The following ADAMTS4 variants were observed in gnomAD, a reference collection of about 807,000 sequenced individuals.
ADAMTS4 encodes ADAM metallopeptidase with thrombospondin type 1 motif 4, also known as A disintegrin and metalloproteinase with thrombospondin motifs 4.
A neutral mutation model predicts 66.7 loss-of-function variants in ADAMTS4; 38 were observed. The ratio of observed to expected loss-of-function variants is 0.57; its 90% CI spans 0.44 to 0.75. The LOEUF (loss-of-function observed/expected upper bound fraction) is 0.75. Ranked by LOEUF, ADAMTS4 falls within the 30% of genes least tolerant of loss-of-function variation. The pLI is 0.00. For synonymous variants in ADAMTS4, 418 were observed against 461.5 expected (o/e 0.91, Z 1.21); for missense variants, 1,014 against 1,116.7 (o/e 0.91, Z 1.31).
rs753932677 is a variant in ADAMTS4, at chr1:161,193,914, A to G, written c.1548+21T>C. On this transcript the variant is annotated intron_variant, in intron 5 of 8. Transcript: ENST00000367996. The surrounding 1 kb of genome is among the most constrained non-coding windows in gnomAD (Gnocchi z 4.4). ...CCCACACCCCCGGGCCCTTTACCCC[A>G]CCCCTGCCCTAGGATCTCACATTGA... The G allele has an allele frequency of 1.0e-5, 16 of 1,562,680 alleles. No individual in the cohort carries two copies. The African/African-American group carries it at 2.0e-4, about 20-fold the overall frequency.
Position 161,194,003 on chromosome 1 carries a change from G to A in ADAMTS4, c.1480C>T (p.Pro494Ser), listed in dbSNP as rs1664751867. 1 of 1,613,038 alleles carries A rather than the reference G, an allele frequency of 6.2e-7. No homozygotes were observed. ...TKHSPWADGTPCGPAQACMGG... is the reference protein window; with the variant it reads ...TKHSPWADGTSCGPAQACMGG... ...ATGCAGGCCTGTGCGGGCCCGCAGG[G>A]TGTGCCATCGGCCCAGGGCGAGTGT... Residue 494 changes from proline to serine, a missense_variant, in exon 5 of 9, where the codon CCC (proline) becomes TCC (serine). Physicochemically the swap from Pro to Ser is moderately conservative, Grantham distance 74. Coordinates refer to ENST00000367996, the MANE Select transcript of ADAMTS4 (RefSeq NM_005099.6). This position sits in a 1 kb window ranked among gnomAD's most constrained non-coding sequence, Gnocchi z 4.1.
chr1:161,197,343 G>A lies in ADAMTS4; in HGVS notation c.634-463C>T, dbSNP rs545862332. Reference sequence around the variant, plus strand: ...TCAGCGTGGCGGTTGTGGAGGGAGCGTCTGGTCTGGATTAAAGCTAGAGAG... The same window carrying A: ...TCAGCGTGGCGGTTGTGGAGGGAGCATCTGGTCTGGATTAAAGCTAGAGAG... On this transcript the variant is annotated intron_variant, in intron 1 of 8. Coordinates refer to ENST00000367996, the MANE Select transcript of ADAMTS4 (RefSeq NM_005099.6). The A allele has an allele frequency of 2.7e-3, 447 of 165,774 alleles. 3 individuals carry two copies. The highest frequency in any genetic ancestry group is 6.3e-3 in the Admixed American group (105 of 16,700). 10.3% of individuals were successfully genotyped at this position (165,774 alleles called of 1,614,324 possible). A position where few individuals can be genotyped will look rare whatever the true frequency, so the allele number is the denominator to read the frequency against.
In ADAMTS4 at chr1:161,188,591, TTCCC is replaced by T. The variant is rs77485973; in HGVS notation, c.*2543_*2546del. Reference sequence around the variant, plus strand: ...CAGAGGGGAAAATGCAGATGTTTTATTCCCTCCCTCTCCTCAGGCATCAGGTATT... The same window carrying T: ...CAGAGGGGAAAATGCAGATGTTTTATTCCCTCTCCTCAGGCATCAGGTATT... On this transcript the variant is annotated 3_prime_UTR_variant, in exon 9 of 9. Coordinates refer to ENST00000367996, the MANE Select transcript of ADAMTS4 (RefSeq NM_005099.6). 0.079 allele frequency: 11,912 copies of T among 151,514 alleles called. 504 individuals are homozygous for T. Among genetic ancestry groups the T allele is most frequent in the South Asian group, 0.13 (638 of 4,784 alleles). 9.4% of individuals were successfully genotyped at this position (151,514 alleles called of 1,614,324 possible).
At chr1:161,197,950 C>T in intron 1 of ADAMTS4, 45 bp downstream of exon 1, 2 of 1,521,046 alleles carry the variant, frequency 1.3e-6, no homozygotes, top group Non-Finnish European at 1.8e-6. Context: ...GTAGGACAGA[C>T]ATGGCGGGAG....
At position 161,191,084 on chromosome 1, in the gene ADAMTS4, T is replaced by A; in HGVS notation, c.*54A>T. On this transcript the variant is annotated 3_prime_UTR_variant, in exon 9 of 9. Transcript: ENST00000367996. ...GGCAGCAACAGAAGCTCTCTCTTTC[T>A]CCCAGCTAAGTCCGAGGCCCCGGTG... 1 of 1,500,460 alleles carries A rather than the reference T, an allele frequency of 6.7e-7. No homozygotes were observed. The highest frequency in any genetic ancestry group is 2.3e-5 in the East Asian group (1 of 43,954). 92.9% of individuals were successfully genotyped at this position (1,500,460 alleles called of 1,614,324 possible).
At position 161,198,003 on chromosome 1, in the gene ADAMTS4, T is replaced by C; in HGVS notation, c.625A>G (p.Arg209Gly). The change falls in exon 1 of 9, where the codon AGA becomes GGA. Residue 209 changes from arginine (R) to glycine (G), a missense_variant. Transcript: ENST00000367996. The surrounding 1 kb of genome is among the most constrained non-coding windows in gnomAD (Gnocchi z 4.7). The stretch of plus-strand genomic sequence containing the variant: ...ACTCCAGAGATGCCTACCTTGGCTC[T>C]TCGGGGTCTGGGGCTGGGGCTTCCA... ...PLGSPSPRPR[R>G]AKRFASLSRF... The C allele has an allele frequency of 1.3e-6, 2 of 1,559,436 alleles. No homozygotes were observed. The highest frequency in any genetic ancestry group is 2.3e-5 in the East Asian group (1 of 44,418).
chr1:161,192,914 C>T (rs768212926), intron 7 of ADAMTS4, among the ~76,000 whole-genome samples: 1 of 152,126 alleles, frequency 6.6e-6, no homozygotes, highest in Non-Finnish European at 1.5e-5. Flanking sequence ...GGGTGAAGGA[C>T]TTGTCCCAAA....
chr1:161,185,417 G>A lies in ADAMTS4; in HGVS notation c.*5721C>T, dbSNP rs1664525428. 6.6e-6 allele frequency: 1 copy of A among 152,060 alleles called. No individual in the cohort carries two copies. The allele number at this position is 152,060 out of a possible 1,614,324, so 9.4% of individuals were successfully genotyped here. ...CCCATGTAAGATCCTGCCTGGGGAA[G>A]TTGTTCAGTGTTGTTGCTCCCCCGC... On this transcript the variant is annotated 3_prime_UTR_variant, in exon 9 of 9. Transcript: ENST00000367996.
chr1:161,192,819 CAGG>C (rs1664713971), intron 7 of ADAMTS4, among the ~76,000 whole-genome samples: 1 of 151,670 alleles, frequency 6.6e-6, no homozygotes, highest in African/African-American at 2.4e-5. Flanking sequence ...CAGTCATCTC[CAGG>C]AGGCCTGTCC....
rs772411600 is a variant in ADAMTS4 at position 161,193,308 on chromosome 1, A to G, written c.1816T>C (p.Trp606Arg). The G allele has an allele frequency of 1.9e-6, 3 of 1,614,054 alleles. No homozygotes were observed. The East Asian group carries it at 6.7e-5, about 36-fold the overall frequency. Residue 606 changes from tryptophan to arginine, a missense_variant, in exon 7 of 9, where the codon TGG becomes CGG. Physicochemically the swap from Trp to Arg is moderately radical, Grantham distance 101 (BLOSUM62 -3). Transcript: ENST00000367996. This position sits in a 1 kb window ranked among gnomAD's most constrained non-coding sequence, Gnocchi z 4.4. ...GCCACGCCTGTGTAGCGAGGAACCC[A>G]GTCCATGGGCCCTGGGAAGCTCTTG... The part of the protein sequence containing the change: ...LFKSFPGPMD[W>R]VPRYTGVAPQ...
intron 1 of ADAMTS4, chr1:161,197,140 CT>C (rs899438730): frequency 7.6e-5 from 34 of 446,734 alleles, no homozygotes; most frequent in Non-Finnish European, 8.9e-5. Flanking sequence ...CATCCCAGGG[CT>C]GCGGGAGCCC....
Position 161,196,695 on chromosome 1 carries a change from C to T in ADAMTS4, c.819G>A (p.Gly273=), listed in dbSNP as rs1390221797. The change falls in exon 2 of 9, where the codon GGG becomes GGA. Residue 273 remains glycine (G), a synonymous_variant. Coordinates refer to ENST00000367996, the MANE Select transcript of ADAMTS4 (RefSeq NM_005099.6). The part of the protein sequence containing the change: ...SLVVTRLVIL[G]SGEEGPQVGP... Reference sequence around the variant, plus strand: ...CCACTTGGGGCCCCTCCTCGCCTGACCCCAGGATCACTAGCCGAGTCACCA... The same window carrying T: ...CCACTTGGGGCCCCTCCTCGCCTGATCCCAGGATCACTAGCCGAGTCACCA... 1 of 1,614,024 alleles carries T rather than the reference C, an allele frequency of 6.2e-7. No homozygotes were observed. Among genetic ancestry groups the T allele is most frequent in the Admixed American group, 1.7e-5 (1 of 60,024 alleles).
At position 161,193,593 on chromosome 1, in the gene ADAMTS4, T is replaced by TTC; in HGVS notation, c.1735+46_1735+47insGA. 6.4e-7 allele frequency: 1 copy of TTC among 1,567,830 alleles called. No homozygotes were observed. Among genetic ancestry groups the TTC allele is most frequent in the Non-Finnish European group, 8.7e-7 (1 of 1,155,080 alleles). On this transcript the variant is annotated intron_variant, in intron 6 of 8. Transcript: ENST00000367996. The surrounding 1 kb of genome is among the most constrained non-coding windows in gnomAD (Gnocchi z 4.4). ...CTTGCACTCAAGGGACAGTCCTTCC[T>TTC]GCTCTACTGTCCCCTCCCAAGGGCT...
rs559950580 is a variant in ADAMTS4 at position 161,193,969 on chromosome 1, C to T, written c.1514G>A (p.Arg505His). 1.8e-4 allele frequency: 282 copies of T among 1,594,384 alleles called. 1 individual carries two copies. The South Asian group carries it at 3.0e-3, about 17-fold the overall frequency. The change falls in exon 5 of 9, where the codon CGC becomes CAC. Residue 505 changes from arginine to histidine, a missense_variant. By Grantham distance (29) the Arg-to-His change is conservative. Transcript: ENST00000367996. This position sits in a 1 kb window ranked among gnomAD's most constrained non-coding sequence, Gnocchi z 4.4. ...CTGGAGCTGGTCCATGTGGAGGCAGCGACCACCCATGCAGGCCTGTGCGGG... is the reference window on the plus strand; with the variant it reads ...CTGGAGCTGGTCCATGTGGAGGCAGTGACCACCCATGCAGGCCTGTGCGGG... ...CGPAQACMGG[R>H]CLHMDQLQDF...
Position 161,186,994 on chromosome 1 carries a change from C to T in ADAMTS4, c.*4144G>A, listed in dbSNP as rs1465402868. On this transcript the variant is annotated 3_prime_UTR_variant, in exon 9 of 9. Transcript: ENST00000367996. ...CCTGCCTGGTCAACAAAGGGAGACC[C>T]TATCTCAAAAAAAAAAGTGTATCTC... is the stretch of plus-strand genomic sequence containing the variant. 1 of 151,682 alleles carries T rather than the reference C, an allele frequency of 6.6e-6. No homozygotes were observed. The highest frequency in any genetic ancestry group is 1.9e-4 in the East Asian group (1 of 5,184). The allele number at this position is 151,682 out of a possible 1,614,324, so 9.4% of individuals were successfully genotyped here.
chr1:161,192,340 C>T (rs553840385), intron 7 of ADAMTS4, 100 bp from the exon 8 acceptor site: 105 of 1,240,134 alleles, frequency 8.5e-5, no homozygotes, highest in Middle Eastern at 4.2e-4. Flanking sequence ...GCAATGTTGT[C>T]GGAAAAGTTG....
chr1:161,191,283 T>TG lies in ADAMTS4; in HGVS notation c.2368_2369insC (p.Asn790ThrfsTer112). 6.2e-7 allele frequency: 1 copy of TG among 1,613,894 alleles called. No individual in the cohort carries two copies. The highest frequency in any genetic ancestry group is 8.5e-7 in the Non-Finnish European group (1 of 1,180,018). On this transcript the variant is annotated frameshift_variant, in exon 9 of 9. Coordinates refer to ENST00000367996, the MANE Select transcript of ADAMTS4 (RefSeq NM_005099.6). LOFTEE classifies it high-confidence loss of function. Reference sequence around the variant, plus strand: ...GTATCGGAGGCGTGTGTCCTGGGGGTTGCCAGCCACTAGGACTTGCAGTGT... The same window carrying TG: ...GTATCGGAGGCGTGTGTCCTGGGGGTGTGCCAGCCACTAGGACTTGCAGTGT...
At position 161,192,223 on chromosome 1, in the gene ADAMTS4, G is replaced by C. The variant is rs537518142; in HGVS notation, c.1929C>G (p.Pro643=). ...AGACCGAGGAGCTGTCCGGGGAACA[G>C]GGGGTCCCATCTACCACCTGAGGAA... ...VLEPRVVDGT[P]CSPDSSSVCV... Residue 643 remains proline, a synonymous_variant, in exon 8 of 9, where the codon CCC becomes CCG. Transcript: ENST00000367996. The C allele has an allele frequency of 6.2e-7, 1 of 1,613,598 alleles. No individual in the cohort carries two copies. Among genetic ancestry groups the C allele is most frequent in the Non-Finnish European group, 8.5e-7 (1 of 1,179,694 alleles).
At chr1:161,195,224 C>T (rs1664781836) in intron 4 of ADAMTS4, among the ~76,000 whole-genome samples, 1 of 152,172 alleles carries the variant, frequency 6.6e-6, no homozygotes, top group African/African-American at 2.4e-5. Context: ...ACAGTTCTGG[C>T]CCTCAGAAAG....
Sources: gnomAD v4.1 joint callset for allele counts (sites outside exome capture counted in the v4.1 genomes callset) on GRCh38, gnomAD v4.1.1 for gene constraint, Gnocchi (gnomAD v3.1) non-coding constraint, MANE v1.5 for transcripts, NCBI Gene and HGNC (gene_info 2026-07-23, HGNC 2026-07-21) for gene names.